Variants in KRT38 observed in about 807,000 individuals in gnomAD.
The protein encoded by KRT38 is keratin 38, also known as keratin, type I cuticular Ha8.
KRT38 carries 45 observed loss-of-function variants against 43.1 expected under a neutral mutation model. The observed-to-expected ratio is 1.04, with a 90% CI of 0.82 to 1.34. The LOEUF (loss-of-function observed/expected upper bound fraction) is 1.34, where lower values mean the gene tolerates loss of function less well. KRT38 is among the 40% of genes most tolerant of loss of function. The pLI is 0.00. For synonymous variants in KRT38, 258 were observed against 244.0 expected, an observed-to-expected ratio of 1.06 and a Z score of -0.53; for missense variants, 627 against 586.2, an observed-to-expected ratio of 1.07 and a Z score of -0.72.
At chr17:41,439,796 T>G (rs898178835) in intron 2 of KRT38, among the ~76,000 whole-genome samples, 1 of 152,196 alleles carries the variant, frequency 6.6e-6, no homozygotes, top group Admixed American at 6.5e-5. Flanking sequence ...CCTGGTACCT[T>G]AGGGCTCCCT....
Position 41,438,569 on chromosome 17 carries a change from C to A in KRT38, c.942G>T (p.Gln314His), listed in dbSNP as rs2018757551. The change falls in exon 5 of 7, where the codon CAG becomes CAT. Residue 314 changes from glutamine (Q) to histidine (H), a missense_variant. Coordinates refer to ENST00000246646, the MANE Select transcript of KRT38 (RefSeq NM_006771.4). ...GCTCCAGGATCTCCGACTGGCAGCA[C>A]TGCAGCTCCTCGGAGCAGGACATGT... ...LQDMSCSEEL[Q>H]CCQSEILELR... 1 of 1,614,184 alleles carries A rather than the reference C, an allele frequency of 6.2e-7. No homozygotes were observed. Among genetic ancestry groups the A allele is most frequent in the Non-Finnish European group, 8.5e-7 (1 of 1,180,028 alleles).
Position 41,438,147 on chromosome 17 carries a change from C to A in KRT38, c.1187G>T (p.Arg396Leu), listed in dbSNP as rs370561631. 18 of 1,614,052 alleles carry A rather than the reference C, an allele frequency of 1.1e-5. No homozygotes were observed. Among genetic ancestry groups the A allele is most frequent in the Non-Finnish European group, 1.4e-5 (17 of 1,180,038 alleles). ...EYQVLLDVKT[R>L]LENEIATYRN... ...GTACGTGGCAATCTCATTCTCCAGC[C>A]GGGTCTTCACGTCCAGCAGCACCTG... is the stretch of plus-strand genomic sequence containing the variant. Residue 396 changes from arginine to leucine, a missense_variant, in exon 6 of 7, where the codon CGG becomes CTG. Transcript: ENST00000246646.
chr17:41,440,060 G>T, intron 2 of KRT38, 101 bp downstream of exon 2: 2 of 977,688 alleles, frequency 2.0e-6, no homozygotes, highest in Non-Finnish European at 3.2e-6. Context: ...AGAGAATCTA[G>T]CAAGGAAGAA....
At position 41,440,878 on chromosome 17, in the gene KRT38, G is replaced by A. The variant is rs1567696702; in HGVS notation, c.44C>T (p.Thr15Ile). 9 of 1,571,750 alleles carry A rather than the reference G, an allele frequency of 5.7e-6. No individual in the cohort carries two copies. The highest frequency in any genetic ancestry group is 2.1e-4 in the Middle Eastern group (1 of 4,818). Residue 15 changes from threonine to isoleucine, a missense_variant, in exon 1 of 7, where the codon ACC becomes ATC. Physicochemically the swap from Thr to Ile is moderately conservative, Grantham distance 89. Transcript: ENST00000246646. ...GACATTTCTTGCTCCAGGAGCCATGGTGCAACCCAGAGGGCATGAGGAGCT... is the reference window on the plus strand; with the variant it reads ...GACATTTCTTGCTCCAGGAGCCATGATGCAACCCAGAGGGCATGAGGAGCT... ...YSSSSCPLGC[T>I]MAPGARNVSV...
Position 41,440,316 on chromosome 17 carries a change from T to C in KRT38, c.493-73A>G, listed in dbSNP as rs910807274. ...GCTCCTTCTCCACGTGTGGTGTCTA[T>C]GATCATGTCCAAGAGAAACCAAGAA... On this transcript the variant is annotated intron_variant, in intron 1 of 6. Coordinates refer to ENST00000246646, the MANE Select transcript of KRT38 (RefSeq NM_006771.4). 50 of 1,604,832 alleles carry C rather than the reference T, an allele frequency of 3.1e-5. 1 individual carries two copies. Among genetic ancestry groups the C allele is most frequent in the South Asian group, 2.8e-4 (25 of 90,480 alleles).
chr17:41,438,937 C>T, intron 3 of KRT38, 79 bp from the exon 4 acceptor site: 1 of 1,531,046 alleles, frequency 6.5e-7, no homozygotes, highest in African/African-American at 1.4e-5. Context: ...GGACCCCGCC[C>T]CTGGCAAGCA....
At chr17:41,439,776 G>C (rs571062638) in intron 2 of KRT38, among the ~76,000 whole-genome samples, 9 of 152,164 alleles carry the variant, frequency 5.9e-5, no homozygotes, top group Admixed American at 3.3e-4. Context: ...TTTTGCCTAG[G>C]TACCTTATAC....
chr17:41,438,390 T>C (rs2018754937), intron 5 of KRT38, 77 bp from the exon 6 acceptor site: 2 of 1,605,696 alleles, frequency 1.2e-6, no homozygotes. Flanking sequence ...TTGATGGTGA[T>C]AACAGGTGGG....
At chr17:41,439,657 T>C (rs1209876135) in intron 2 of KRT38, among the ~76,000 whole-genome samples, 1 of 152,242 alleles carries the variant, frequency 6.6e-6, no homozygotes, top group East Asian at 1.9e-4. Flanking sequence ...AGTCCAACGC[T>C]CATGCCATTG....
At chr17:41,439,075 C>G (rs2018765512) in intron 3 of KRT38, 128 bp downstream of exon 3, 1 of 1,315,634 alleles carries the variant, frequency 7.6e-7, no homozygotes, top group Non-Finnish European at 1.0e-6. Context: ...CCTCTGGACC[C>G]TCAGACCCAC....
Position 41,440,172 on chromosome 17 carries a change from G to A in KRT38, c.564C>T (p.Asp188=). Residue 188 remains aspartate (D), a synonymous_variant, in exon 2 of 7, where the codon GAC becomes GAT. Coordinates refer to ENST00000246646, the MANE Select transcript of KRT38 (RefSeq NM_006771.4). ...TCCGCCTGACTTACTTGATCCTAAAGTCATCGGCAGCCAGCTTGGCATTGT... is the reference window on the plus strand; with the variant it reads ...TCCGCCTGACTTACTTGATCCTAAAATCATCGGCAGCCAGCTTGGCATTGT... The part of the protein sequence containing the change: ...QIDNAKLAAD[D]FRIKLESERS... The A allele has an allele frequency of 6.2e-7, 1 of 1,614,160 alleles. No individual in the cohort carries two copies. Among genetic ancestry groups the A allele is most frequent in the Non-Finnish European group, 8.5e-7 (1 of 1,180,016 alleles).
intron 2 of KRT38, 73 bp downstream of exon 2, chr17:41,440,088 A>C (rs910727437): frequency 8.4e-7 from 1 of 1,186,730 alleles, no homozygotes; most frequent in Non-Finnish European, 1.2e-6. Context: ...TGATTCCCTC[A>C]CTCAACAAGT....
Position 41,440,680 on chromosome 17 carries a change from C to T in KRT38, c.242G>A (p.Gly81Glu). 3 of 1,614,200 alleles carry T rather than the reference C, an allele frequency of 1.9e-6. No individual in the cohort carries two copies. Among genetic ancestry groups the T allele is most frequent in the South Asian group, 1.1e-5 (1 of 91,086 alleles). ...PTCHTACPLP[G>E]TCHIPGNIGI... ...AATGTTGCCAGGAATGTGGCAGGTCCCTGGCAAGGGACAAGCAGTGTGGCA... is the reference window on the plus strand; with the variant it reads ...AATGTTGCCAGGAATGTGGCAGGTCTCTGGCAAGGGACAAGCAGTGTGGCA... Residue 81 changes from glycine to glutamate, a missense_variant, in exon 1 of 7, where the codon GGG becomes GAG. Physicochemically the swap from Gly to Glu is moderately conservative, Grantham distance 98. Coordinates refer to ENST00000246646, the MANE Select transcript of KRT38 (RefSeq NM_006771.4).
At position 41,440,879 on chromosome 17, in the gene KRT38, T is replaced by G; in HGVS notation, c.43A>C (p.Thr15Pro). The change falls in exon 1 of 7, where the codon ACC (threonine) becomes CCC (proline). Residue 15 changes from threonine to proline, a missense_variant. Transcript: ENST00000246646. ...YSSSSCPLGC[T>P]MAPGARNVSV... ...ACATTTCTTGCTCCAGGAGCCATGG[T>G]GCAACCCAGAGGGCATGAGGAGCTG... The G allele has an allele frequency of 1.3e-6, 2 of 1,571,764 alleles. No homozygotes were observed.
In KRT38 at chr17:41,436,773, A is replaced by G. The variant is rs997081600; in HGVS notation, c.*639T>C. The G allele has an allele frequency of 6.6e-6, 1 of 152,230 alleles. No individual in the cohort carries two copies. Among genetic ancestry groups the G allele is most frequent in the African/African-American group, 2.4e-5 (1 of 41,470 alleles). 9.4% of individuals were successfully genotyped at this position (152,230 alleles called of 1,614,324 possible). A position where few individuals can be genotyped will look rare whatever the true frequency, so the allele number is the denominator to read the frequency against. ...CAAGAAGCTATGGAAGCCATATGTA[A>G]GAGGCTGTGTTGCCACAGAAAAGGC... On this transcript the variant is annotated 3_prime_UTR_variant, in exon 7 of 7. Transcript: ENST00000246646.
intron 2 of KRT38, 63 bp downstream of exon 2, chr17:41,440,098 T>C: frequency 2.3e-6 from 3 of 1,284,034 alleles, no homozygotes; most frequent in East Asian, 2.3e-5. Flanking sequence ...ACTCAACAAG[T>C]ATTTGGGCAT....
intron 3 of KRT38, 31 bp from the exon 4 acceptor site, chr17:41,438,889 G>A: frequency 2.5e-6 from 4 of 1,610,652 alleles, no homozygotes; most frequent in Non-Finnish European, 3.4e-6. Flanking sequence ...CAGACAGCCT[G>A]CATGAGGAAA....
rs199726500 is a variant in KRT38 at position 41,440,597 on chromosome 17, G to A, written c.325C>T (p.Gln109Ter). The A allele has an allele frequency of 1.2e-6, 2 of 1,614,204 alleles. No homozygotes were observed. Among genetic ancestry groups the A allele is most frequent in the South Asian group, 1.1e-5 (1 of 91,078 alleles). The change falls in exon 1 of 7, where the codon CAG (glutamine) becomes TAG (stop). Residue 109 changes from glutamine to a stop codon, truncating the protein, a stop_gained. Transcript: ENST00000246646. LOFTEE classifies it high-confidence loss of function. The stretch of plus-strand genomic sequence containing the variant: ...TTGGCCAGGCGGTCATTCAGGAACT[G>A]CATGGTCTCCTTCTCATGGCCATTC... ...TLNGHEKETM[Q>*]FLNDRLANYL...
intron 5 of KRT38, 57 bp from the exon 6 acceptor site, chr17:41,438,370 G>A: frequency 1.2e-6 from 2 of 1,603,200 alleles, no homozygotes; most frequent in Non-Finnish European, 1.7e-6. Flanking sequence ...ACTGCTACAT[G>A]CCTCAAATTT....
Sources: gnomAD v4.1 joint callset for allele counts (sites outside exome capture counted in the v4.1 genomes callset) on GRCh38, gnomAD v4.1.1 for gene constraint, MANE v1.5 for transcripts, NCBI Gene and HGNC (gene_info 2026-07-23, HGNC 2026-07-21) for gene names.